The following UBE3D variants were observed in gnomAD, a reference collection of about 807,000 sequenced individuals.
The protein encoded by UBE3D is ubiquitin protein ligase E3D.
In UBE3D, 48 loss-of-function variants were observed where a neutral mutation model predicts 49.6. That is an observed-to-expected ratio of 0.97 (90% CI 0.77 to 1.23). UBE3D has a LOEUF of 1.23. Ranked by LOEUF, UBE3D falls within the 50% of genes most tolerant of loss-of-function variation. The probability of loss-of-function intolerance (pLI) is 0.00; values close to 1 mark genes in which losing one functional copy is unlikely to be tolerated. For missense variants in UBE3D, 452 were observed against 468.4 expected, an observed-to-expected ratio of 0.96 and a Z score of 0.32; for synonymous variants, 189 against 174.2, an observed-to-expected ratio of 1.08 and a Z score of -0.67.
chr6:82,909,804 C>T (rs1389203947), intron 9 of UBE3D, among the ~76,000 whole-genome samples: 2 of 152,134 alleles, frequency 1.3e-5, no homozygotes, highest in Non-Finnish European at 2.9e-5. Flanking sequence ...CTTTTGGAAA[C>T]CTGACAACAT....
chr6:82,950,594 A>G (rs1293847125), intron 9 of UBE3D, among the ~76,000 whole-genome samples: 1 of 152,088 alleles, frequency 6.6e-6, no homozygotes, highest in African/African-American at 2.4e-5. Context: ...CAGCAATCCC[A>G]CTCCTAGGTA....
intron 9 of UBE3D, among the ~76,000 whole-genome samples, chr6:82,940,794 C>G (rs1180411513): frequency 2.0e-5 from 3 of 152,156 alleles, no homozygotes; most frequent in Non-Finnish European, 4.4e-5. Context: ...GGAGATGAAA[C>G]AGAGGAAAGA....
At chr6:82,932,842 G>A (rs1365848968) in intron 9 of UBE3D, among the ~76,000 whole-genome samples, 2 of 152,174 alleles carry the variant, frequency 1.3e-5, no homozygotes, top group African/African-American at 4.8e-5. Flanking sequence ...CAGGAAATGT[G>A]TATGGAGCAT....
intron 4 of UBE3D, 113 bp downstream of exon 4, chr6:83,044,315 A>G (rs1782873632): frequency 1.1e-5 from 10 of 944,904 alleles, no homozygotes; most frequent in Non-Finnish European, 1.6e-5. Flanking sequence ...GAAAATAATG[A>G]ATTTTGGCCT....
At position 83,023,946 on chromosome 6, in the gene UBE3D, T is replaced by G. The variant is rs374174877; in HGVS notation, c.737+23A>C. ...GGGAAAAAAATAAATTACAAATAAA[T>G]AAATGTAATTTGCTATTTGTACCTT... On this transcript the variant is annotated intron_variant, in intron 6 of 9. Transcript: ENST00000369747. The G allele has an allele frequency of 2.8e-6, 4 of 1,408,574 alleles. No individual in the cohort carries two copies. In the African/African-American group the frequency reaches 5.9e-5, roughly 21 times the overall value. The allele number at this position is 1,408,574 out of a possible 1,614,324, so 87.3% of individuals were successfully genotyped here. A position where few individuals can be genotyped will look rare whatever the true frequency, so the allele number is the denominator to read the frequency against.
intron 8 of UBE3D, among the ~76,000 whole-genome samples, chr6:83,013,402 T>A (rs1780481229): frequency 6.6e-6 from 1 of 152,164 alleles, no homozygotes; most frequent in Non-Finnish European, 1.5e-5. Context: ...TCCAACAGCA[T>A]CCCTAACTGC....
At chr6:83,054,861 G>T (rs1231535947) in intron 2 of UBE3D, among the ~76,000 whole-genome samples, 5 of 152,176 alleles carry the variant, frequency 3.3e-5, no homozygotes, top group African/African-American at 4.8e-5. Flanking sequence ...ATCTTGGCCA[G>T]TCTGGTCTTG....
intron 2 of UBE3D, among the ~76,000 whole-genome samples, chr6:83,057,613 G>A (rs559428435): frequency 3.1e-4 from 47 of 152,218 alleles, no homozygotes; most frequent in Non-Finnish European, 6.3e-4. Flanking sequence ...TGCTGTGGGT[G>A]GAAAAGAAAG....
chr6:83,012,091 G>A (rs1780376196), intron 8 of UBE3D, among the ~76,000 whole-genome samples: 1 of 152,196 alleles, frequency 6.6e-6, no homozygotes, highest in South Asian at 2.1e-4. Flanking sequence ...TCATGAGCAT[G>A]AGCCCACTGC....
intron 9 of UBE3D, among the ~76,000 whole-genome samples, chr6:82,931,087 G>A (rs959471171): frequency 2.0e-5 from 3 of 152,214 alleles, no homozygotes; most frequent in African/African-American, 7.2e-5. Flanking sequence ...GGCTAAAATG[G>A]GCCAAGGTAC....
chr6:82,980,965 T>C (rs1778077944), intron 8 of UBE3D, among the ~76,000 whole-genome samples: 1 of 152,074 alleles, frequency 6.6e-6, no homozygotes, highest in Non-Finnish European at 1.5e-5. Context: ...TTTCATATCA[T>C]ATGGATGAGT....
intron 3 of UBE3D, among the ~76,000 whole-genome samples, chr6:83,047,387 C>T (rs937491454): frequency 1.3e-5 from 2 of 152,288 alleles, no homozygotes; most frequent in African/African-American, 4.8e-5. Flanking sequence ...GGGAACCCTA[C>T]AAACTATATC....
intron 9 of UBE3D, among the ~76,000 whole-genome samples, chr6:82,933,852 G>T (rs1451264131): frequency 6.6e-6 from 1 of 152,130 alleles, no homozygotes; most frequent in East Asian, 1.9e-4. Flanking sequence ...CACTTCCATG[G>T]ACCAGAAGCA....
intron 9 of UBE3D, among the ~76,000 whole-genome samples, chr6:82,899,011 C>G (rs1187773559): frequency 6.6e-6 from 1 of 151,906 alleles, no homozygotes; most frequent in Non-Finnish European, 1.5e-5. Flanking sequence ...GATTCCAATC[C>G]TAAGGTGGAG....
intron 9 of UBE3D, among the ~76,000 whole-genome samples, chr6:82,920,475 C>A (rs1773246577): frequency 6.6e-6 from 1 of 152,216 alleles, no homozygotes; most frequent in Non-Finnish European, 1.5e-5. Context: ...TTTAAAATAA[C>A]AATGCACCAA....
At chr6:83,012,757 C>A (rs4706174) in intron 8 of UBE3D, among the ~76,000 whole-genome samples, 118,830 of 152,076 alleles carry the variant, frequency 0.78, 46,617 homozygotes, top group East Asian at 0.93. Flanking sequence ...ACAGCCCATG[C>A]ATCAGTATAT....
intron 3 of UBE3D, among the ~76,000 whole-genome samples, chr6:83,047,082 G>A (rs1327035691): frequency 3.3e-5 from 5 of 152,156 alleles, no homozygotes; most frequent in Non-Finnish European, 7.4e-5. Flanking sequence ...ATGAACTAGC[G>A]TATTTTGATA....
intron 8 of UBE3D, among the ~76,000 whole-genome samples, chr6:82,980,086 T>C (rs1218600232): frequency 1.3e-5 from 2 of 152,140 alleles, no homozygotes; most frequent in Non-Finnish European, 2.9e-5. Context: ...ATAATAATGA[T>C]TTATTTTCCT....
intron 8 of UBE3D, among the ~76,000 whole-genome samples, chr6:82,960,503 T>C (rs559144763): frequency 6.6e-6 from 1 of 152,000 alleles, no homozygotes; most frequent in African/African-American, 2.4e-5. Context: ...CCCACTTACA[T>C]ATCATTTCTT....
Sources: allele counts gnomAD v4.1 joint callset (sites outside exome capture counted in the v4.1 genomes callset), GRCh38; gene constraint gnomAD v4.1.1; transcripts MANE v1.5; gene names NCBI Gene and HGNC (gene_info 2026-07-23, HGNC 2026-07-21).